Variants in PTP4A3 observed in about 807,000 individuals in gnomAD.
PTP4A3 encodes protein tyrosine phosphatase 4A3.
PTP4A3 carries 9 observed loss-of-function variants against 15.2 expected under a neutral mutation model. The ratio of observed to expected loss-of-function variants is 0.59; its 90% CI spans 0.36 to 1.03. The LOEUF (loss-of-function observed/expected upper bound fraction) is 1.03. Among genes scored for constraint, PTP4A3 ranks in the 50% least tolerant of loss-of-function variants. The probability of loss-of-function intolerance (pLI) is 0.02; values close to 1 mark genes in which losing one functional copy is unlikely to be tolerated. For missense variants in PTP4A3, 234 were observed against 252.1 expected (o/e 0.93, Z 0.49); for synonymous variants, 95 against 102.0 (o/e 0.93, Z 0.41).
In PTP4A3 at chr8:141,425,896, G is replaced by A. The variant is rs1332345891; in HGVS notation, c.198+756G>A. On this transcript the variant is annotated intron_variant, in intron 3 of 5. Transcript: ENST00000521578. The surrounding 1 kb of genome is among the most constrained non-coding windows in gnomAD (Gnocchi z 4.2). The stretch of plus-strand genomic sequence containing the variant: ...AGGCCTTGGGCTGCGTCCCGCCTCT[G>A]CCCTCCCCAGCCTTGCGACCCTGCA... Among the ~76,000 whole-genome samples, 1 of 152,210 alleles carries A rather than the reference G, an allele frequency of 6.6e-6. No individual in the cohort carries two copies. Among genetic ancestry groups the A allele is most frequent in the Non-Finnish European group, 1.5e-5 (1 of 68,020 alleles).
At chr8:141,399,251 G>A (rs1042852678) in intron 1 of PTP4A3, among the ~76,000 whole-genome samples, 2 of 151,894 alleles carry the variant, frequency 1.3e-5, no homozygotes, top group South Asian at 2.1e-4. Flanking sequence ...TGCCTGGAAC[G>A]CTGGCCCCCT....
chr8:141,404,439 T>C (rs1832677360), intron 1 of PTP4A3, among the ~76,000 whole-genome samples: 1 of 152,228 alleles, frequency 6.6e-6, no homozygotes. Context: ...TCTCCCCCTG[T>C]CCTGGGGTCC....
At chr8:141,414,372 G>GGGTGACCCCA (rs11282768) in intron 1 of PTP4A3, among the ~76,000 whole-genome samples, 55,458 of 151,806 alleles carry the variant, frequency 0.37, 10,836 homozygotes, top group East Asian at 0.6. Flanking sequence ...CCAGCCTGGT[G>GGGTGACCCCA]GGTAGACCTG....
chr8:141,411,898 T>A (rs1832881048), intron 1 of PTP4A3, among the ~76,000 whole-genome samples: 1 of 152,192 alleles, frequency 6.6e-6, no homozygotes, highest in South Asian at 2.1e-4. Context: ...GGGTAGGCCC[T>A]GAATCCTGTC....
intron 2 of PTP4A3, among the ~76,000 whole-genome samples, chr8:141,422,965 AGCCTG>A (rs1833404908): frequency 6.6e-6 from 1 of 152,184 alleles, no homozygotes; most frequent in Non-Finnish European, 1.5e-5. Flanking sequence ...CTCCTGGAGG[AGCCTG>A]GCCTCTGCAG....
At position 141,427,084 on chromosome 8, in the gene PTP4A3, G is replaced by A. The variant is rs199515669; in HGVS notation, c.329+15G>A. On this transcript the variant is annotated intron_variant, in intron 4 of 5. Coordinates refer to ENST00000521578, the MANE Select transcript of PTP4A3 (RefSeq NM_032611.3). The stretch of plus-strand genomic sequence containing the variant: ...GGCCTGGGCCGGTGAGTGTCGGGGC[G>A]GGGTAGGGCTCGCCATGTCAGGTGG... 47 of 1,593,484 alleles carry A rather than the reference G, an allele frequency of 2.9e-5. No homozygotes were observed. Among genetic ancestry groups the A allele is most frequent in the African/African-American group, 1.9e-4 (14 of 74,854 alleles).
rs982918632 is a variant in PTP4A3 at position 141,395,351 on chromosome 8, C to T, written c.-854+3267C>T. ...GTTCCTCCCAGCCAAGGGTGTGGCC[C>T]TAAGGACCCCTAGGTGGGGCATCGC... On this transcript the variant is annotated intron_variant, in intron 1 of 5. Transcript: ENST00000521578. Among the ~76,000 whole-genome samples, 4 of 152,226 alleles carry T rather than the reference C, an allele frequency of 2.6e-5. No individual in the cohort carries two copies. The East Asian group carries it at 7.7e-4, about 29-fold the overall frequency.
chr8:141,423,251 C>T (rs1833415713), intron 2 of PTP4A3, among the ~76,000 whole-genome samples: 1 of 152,264 alleles, frequency 6.6e-6, no homozygotes, highest in African/African-American at 2.4e-5. Flanking sequence ...ACCCTGGACA[C>T]TGAGCCAGGT....
At chr8:141,399,109 C>T (rs779271551) in intron 1 of PTP4A3, among the ~76,000 whole-genome samples, 6 of 152,048 alleles carry the variant, frequency 3.9e-5, no homozygotes, top group East Asian at 1.9e-4. Context: ...GGTTTCTGCC[C>T]GCCTGCCTCA....
intron 1 of PTP4A3, among the ~76,000 whole-genome samples, chr8:141,402,270 A>AG (rs1385314935): frequency 1.3e-5 from 2 of 152,152 alleles, no homozygotes; most frequent in Non-Finnish European, 2.9e-5. Flanking sequence ...GTGGCCCTGC[A>AG]GAACCCCTCT....
intron 1 of PTP4A3, among the ~76,000 whole-genome samples, chr8:141,403,242 G>A (rs1209697800): frequency 6.6e-6 from 1 of 152,220 alleles, no homozygotes; most frequent in Non-Finnish European, 1.5e-5. Flanking sequence ...AGGCTGCAGC[G>A]GCCTCGCGCG....
At chr8:141,400,446 G>A (rs947078091) in intron 1 of PTP4A3, among the ~76,000 whole-genome samples, 6 of 152,260 alleles carry the variant, frequency 3.9e-5, no homozygotes, top group Admixed American at 1.3e-4. Flanking sequence ...CTCGGGTGCT[G>A]TTTTACAGTG....
Position 141,432,054 on chromosome 8 carries a change from T to A in PTP4A3, c.*1010T>A, listed in dbSNP as rs796107816. The A allele has an allele frequency of 2.0e-5, 3 of 152,458 alleles. No individual in the cohort carries two copies. Among genetic ancestry groups the A allele is most frequent in the African/African-American group, 7.2e-5 (3 of 41,548 alleles). 9.4% of individuals were successfully genotyped at this position (152,458 alleles called of 1,614,324 possible). On this transcript the variant is annotated 3_prime_UTR_variant, in exon 6 of 6. Transcript: ENST00000521578. ...CCGGAGGGCGTGGACCAGATGCTCA[T>A]GTGTTCCTGGGTGCAGTGTCTGTGT...
At position 141,425,157 on chromosome 8, in the gene PTP4A3, G is replaced by A. The variant is rs1586564999; in HGVS notation, c.198+17G>A. The A allele has an allele frequency of 8.8e-6, 14 of 1,596,512 alleles. No homozygotes were observed. Among genetic ancestry groups the A allele is most frequent in the Middle Eastern group, 3.3e-4 (2 of 6,000 alleles). ...ACCGTTGTGGTGAGGCGCGCGCCACGGGGACCCTAGTCACTGCTGCCACCG... is the reference window on the plus strand; with the variant it reads ...ACCGTTGTGGTGAGGCGCGCGCCACAGGGACCCTAGTCACTGCTGCCACCG... On this transcript the variant is annotated intron_variant, in intron 3 of 5. Transcript: ENST00000521578. The surrounding 1 kb of genome is among the most constrained non-coding windows in gnomAD (Gnocchi z 4.2).
chr8:141,414,566 T>A (rs1197329278), intron 1 of PTP4A3, among the ~76,000 whole-genome samples: 1 of 150,094 alleles, frequency 6.7e-6, no homozygotes, highest in African/African-American at 2.5e-5. Flanking sequence ...GCAGGAGAGG[T>A]TCGGGCAGGT....
chr8:141,422,183 C>A lies in PTP4A3; in HGVS notation c.-58C>A. On this transcript the variant is annotated 5_prime_UTR_variant, in exon 2 of 6. Coordinates refer to ENST00000521578, the MANE Select transcript of PTP4A3 (RefSeq NM_032611.3). ...GGGGGTGTGTGGGGACTTCTCAGGTCGTGTCCCCAGCCTTCTCTGCAGTCC... is the reference window on the plus strand; with the variant it reads ...GGGGGTGTGTGGGGACTTCTCAGGTAGTGTCCCCAGCCTTCTCTGCAGTCC... 1 of 1,537,636 alleles carries A rather than the reference C, an allele frequency of 6.5e-7. No individual in the cohort carries two copies. The highest frequency in any genetic ancestry group is 1.1e-5 in the South Asian group (1 of 89,032).
intron 1 of PTP4A3, among the ~76,000 whole-genome samples, chr8:141,413,484 C>T (rs997626127): frequency 2.0e-5 from 3 of 152,198 alleles, no homozygotes; most frequent in African/African-American, 4.8e-5. Flanking sequence ...ATCCTGGAGC[C>T]GCACAATTTC....
chr8:141,429,723 C>T (rs1202201005), intron 5 of PTP4A3, among the ~76,000 whole-genome samples: 1 of 10,664 alleles, frequency 9.4e-5, no homozygotes, highest in African/African-American at 4.8e-4. Context: ...TCCGGGTCCC[C>T]GCTGTAAGGA....
At chr8:141,408,560 G>A (rs976669745) in intron 1 of PTP4A3, among the ~76,000 whole-genome samples, 9 of 151,892 alleles carry the variant, frequency 5.9e-5, no homozygotes, top group Admixed American at 5.9e-4. Context: ...GGAGGTTGCA[G>A]TGAGCTGAGG....
Sources: gnomAD v4.1 joint callset for allele counts (sites outside exome capture counted in the v4.1 genomes callset) on GRCh38, gnomAD v4.1.1 for gene constraint, Gnocchi (gnomAD v3.1) non-coding constraint, MANE v1.5 for transcripts, NCBI Gene and HGNC (gene_info 2026-07-23, HGNC 2026-07-21) for gene names.